ST18: variants seen among roughly 807,000 people sequenced by gnomAD.
The protein encoded by ST18 is ST18 C2H2C-type zinc finger transcription factor.
Under a neutral mutation model 110.0 loss-of-function variants are expected in ST18, and 50 were observed. That is an observed-to-expected ratio of 0.45 (90% confidence interval 0.36 to 0.58). The LOEUF is 0.58. Among genes scored for constraint, ST18 ranks in the 20% least tolerant of loss-of-function variants. The pLI is 0.00. For synonymous variants in ST18, 461 were observed against 452.4 expected, an observed-to-expected ratio of 1.02 and a Z score of -0.24; for missense variants, 1,306 against 1,280.1, an observed-to-expected ratio of 1.02 and a Z score of -0.31.
At chr8:52,194,538 G>A (rs2075597025) in intron 8 of ST18, 1 of 152,238 alleles carries the variant, frequency 6.6e-6, no homozygotes, top group African/African-American at 2.4e-5. Context: ...CCACCCAGAT[G>A]TGAGCATATG....
chr8:52,222,021 A>G (rs1564152374), intron 3 of ST18: 1 of 152,160 alleles, frequency 6.6e-6, no homozygotes, highest in Non-Finnish European at 1.5e-5. Context: ...TGTTTGCCAT[A>G]CACTAACCTA....
intron 2 of ST18, among the ~76,000 whole-genome samples, chr8:52,376,578 T>C (rs1473068662): frequency 1.3e-5 from 2 of 152,270 alleles, no homozygotes; most frequent in Admixed American, 6.5e-5. Context: ...TCTTCTAAAA[T>C]ACTTGTGGTT....
chr8:52,370,518 C>T (rs1829889531), intron 2 of ST18, among the ~76,000 whole-genome samples: 1 of 152,078 alleles, frequency 6.6e-6, no homozygotes. Context: ...AGTGGTCAGG[C>T]CTTCTGGAGT....
intron 3 of ST18, 114 bp from the exon 4 acceptor site, chr8:52,221,907 AC>A (rs2086886699): frequency 7.0e-6 from 1 of 142,916 alleles, no homozygotes; most frequent in Admixed American, 6.9e-5. Context: ...TTTGATTGCA[AC>A]TAAAAAAAAA....
At chr8:52,335,261 G>T (rs972705207) in intron 2 of ST18, among the ~76,000 whole-genome samples, 1 of 151,970 alleles carries the variant, frequency 6.6e-6, no homozygotes, top group African/African-American at 2.4e-5. Context: ...CTTTTCCAAG[G>T]TTCTAGGTTC....
At chr8:52,203,249 A>T (rs1022900849) in intron 8 of ST18, among the ~76,000 whole-genome samples, 1 of 152,206 alleles carries the variant, frequency 6.6e-6, no homozygotes, top group African/African-American at 2.4e-5. Context: ...TCATTAGTCA[A>T]GAAGGCAGCA....
intron 10 of ST18, 23 bp downstream of exon 10, chr8:52,171,769 A>G (rs1416920749): frequency 6.2e-7 from 1 of 1,601,554 alleles, no homozygotes; most frequent in Non-Finnish European, 8.5e-7. Context: ...TATTCCTAAA[A>G]TAAATGCAAA....
At chr8:52,344,372 G>A (rs1248724366) in intron 2 of ST18, among the ~76,000 whole-genome samples, 1 of 150,926 alleles carries the variant, frequency 6.6e-6, no homozygotes, top group African/African-American at 2.4e-5. Flanking sequence ...ATGAAATGCA[G>A]TAAATCTGAT....
At chr8:52,308,461 T>C (rs1224859825) in intron 2 of ST18, among the ~76,000 whole-genome samples, 1 of 152,214 alleles carries the variant, frequency 6.6e-6, no homozygotes, top group African/African-American at 2.4e-5. Context: ...TTGAGACTCC[T>C]ACAGCCAGAA....
chr8:52,268,713 C>T (rs1011734422), intron 2 of ST18, among the ~76,000 whole-genome samples: 2 of 152,172 alleles, frequency 1.3e-5, no homozygotes, highest in Non-Finnish European at 2.9e-5. Flanking sequence ...AGAGACCAGG[C>T]ATACAGCTGA....
rs2041100281 is a variant in ST18, at chr8:52,113,305, C to A, written c.3037G>T (p.Val1013Leu). The A allele has an allele frequency of 1.9e-6, 3 of 1,613,828 alleles. No individual in the cohort carries two copies. The highest frequency in any genetic ancestry group is 2.5e-6 in the Non-Finnish European group (3 of 1,179,900). The change falls in exon 26 of 26, where the codon GTA becomes TTA. Residue 1013 changes from valine to leucine, a missense_variant. By Grantham distance (32) the Val-to-Leu change is conservative (BLOSUM62 1). Coordinates refer to ENST00000689386, the MANE Select transcript of ST18 (RefSeq NM_001352837.2). Reference sequence around the variant, plus strand: ...CTGTACATATCTGTGAGTGTATTTACATATGCTTCAAAATTCTGCTCACTG... The same window carrying A: ...CTGTACATATCTGTGAGTGTATTTAAATATGCTTCAAAATTCTGCTCACTG... The part of the protein sequence containing the change: ...PISEQNFEAY[V>L]NTLTDMYSNL...
chr8:52,365,583 T>TA (rs59065958), intron 2 of ST18, among the ~76,000 whole-genome samples: 4 of 150,896 alleles, frequency 2.7e-5, no homozygotes, highest in African/African-American at 9.7e-5. Flanking sequence ...GAAACTAGTT[T>TA]AAAAAAAAAA....
chr8:52,215,049 G>A (rs1205120202), intron 6 of ST18, among the ~76,000 whole-genome samples: 8 of 152,176 alleles, frequency 5.3e-5, no homozygotes, highest in African/African-American at 1.9e-4. Context: ...ACATTATCAG[G>A]AGGAATTCTT....
intron 2 of ST18, among the ~76,000 whole-genome samples, chr8:52,396,793 A>G (rs1841294102): frequency 6.6e-6 from 1 of 152,212 alleles, no homozygotes; most frequent in Non-Finnish European, 1.5e-5. Flanking sequence ...CGTGGAGATT[A>G]CAATTCAAGA....
intron 2 of ST18, among the ~76,000 whole-genome samples, chr8:52,380,491 T>A (rs1834096737): frequency 6.6e-6 from 1 of 152,224 alleles, no homozygotes; most frequent in East Asian, 1.9e-4. Flanking sequence ...CTAATCTCCA[T>A]GTTGTTCAAG....
intron 2 of ST18, among the ~76,000 whole-genome samples, chr8:52,316,809 C>T (rs2096037354): frequency 6.6e-6 from 1 of 152,174 alleles, no homozygotes; most frequent in African/African-American, 2.4e-5. Flanking sequence ...TATATTACAT[C>T]TTTAAACTTC....
rs543895669 is a variant in ST18 at position 52,368,905 on chromosome 8, C to T, written c.-465+40423G>A. 1.4e-4 allele frequency among the ~76,000 whole-genome samples: 22 copies of T among 152,234 alleles called. 1 individual carries two copies. Among genetic ancestry groups the T allele is most frequent in the South Asian group, 8.3e-4 (4 of 4,818 alleles). On this transcript the variant is annotated intron_variant, in intron 2 of 25. Transcript: ENST00000689386. ...GGTCCTTGGTACCTACTACTTACCA[C>T]GCTCAGCCTGGGTGGGGCACTCTTC...
intron 19 of ST18, among the ~76,000 whole-genome samples, chr8:52,136,245 T>A (rs1380362766): frequency 6.6e-6 from 1 of 152,176 alleles, no homozygotes; most frequent in African/African-American, 2.4e-5. Flanking sequence ...GATTATGCAA[T>A]TTCTTTAAAA....
chr8:52,151,355 AT>A (rs1280681254), intron 15 of ST18, among the ~76,000 whole-genome samples: 1 of 152,128 alleles, frequency 6.6e-6, no homozygotes, highest in Non-Finnish European at 1.5e-5. Flanking sequence ...GCTTTACTAT[AT>A]TTGTGGGAGG....
Sources: gnomAD v4.1 joint callset for allele counts (sites outside exome capture counted in the v4.1 genomes callset) on GRCh38, gnomAD v4.1.1 for gene constraint, MANE v1.5 for transcripts, NCBI Gene and HGNC (gene_info 2026-07-23, HGNC 2026-07-21) for gene names.